The following NRCAM variants were observed in gnomAD, a reference collection of about 807,000 sequenced individuals.
NRCAM encodes NgCAM-related cell adhesion molecule.
NRCAM carries 83 observed loss-of-function variants against 156.5 expected under a neutral mutation model. The observed-to-expected ratio is 0.53, with a 90% confidence interval of 0.44 to 0.64. The LOEUF is 0.64. Among genes scored for constraint, NRCAM ranks in the 30% least tolerant of loss-of-function variants. The pLI is 0.00. For missense variants in NRCAM, 1,417 were observed against 1,597.3 expected (o/e 0.89, Z 1.92); for synonymous variants, 538 against 563.9 (o/e 0.95, Z 0.65).
intron 14 of NRCAM, 143 bp from the exon 15 acceptor site, chr7:108,196,015 A>G (rs935370462): frequency 1.6e-6 from 1 of 637,068 alleles, no homozygotes; most frequent in South Asian, 1.9e-5. Flanking sequence ...TCTATCAGGC[A>G]TAATGCTGCC....
chr7:108,167,564 G>A (rs1469309979), intron 29 of NRCAM, among the ~76,000 whole-genome samples: 4 of 152,106 alleles, frequency 2.6e-5, no homozygotes, highest in African/African-American at 9.7e-5. Context: ...TAAAGGGATC[G>A]TCATTTCTAA....
chr7:108,295,072 G>T (rs535805398), intron 3 of NRCAM, among the ~76,000 whole-genome samples: 1 of 152,182 alleles, frequency 6.6e-6, no homozygotes, highest in Non-Finnish European at 1.5e-5. Flanking sequence ...GTGATTAAAT[G>T]ATGAAGAGAT....
Position 108,249,072 on chromosome 7 carries a change from C to T in NRCAM, c.-106-8902G>A, listed in dbSNP as rs190712965. ...ATTCTTTTCTATAACTTGTGCTCCC[C>T]GCAAACAAGGGCCTGAGCATGTGTG... On this transcript the variant is annotated intron_variant, in intron 3 of 32. Coordinates refer to ENST00000379028, the MANE Select transcript of NRCAM (RefSeq NM_001037132.4). Among the ~76,000 whole-genome samples the T allele has an allele frequency of 3.9e-3, 588 of 152,210 alleles. 5 individuals carry two copies. Among genetic ancestry groups the T allele is most frequent in the Non-Finnish European group, 5.3e-3 (362 of 68,010 alleles).
At chr7:108,202,296 G>C (rs1638283032) in intron 13 of NRCAM, among the ~76,000 whole-genome samples, 1 of 151,992 alleles carries the variant, frequency 6.6e-6, no homozygotes, top group South Asian at 2.1e-4. Flanking sequence ...TAGATAATGA[G>C]AATAATAATA....
chr7:108,297,743 A>T (rs2098479347), intron 3 of NRCAM, among the ~76,000 whole-genome samples: 1 of 152,204 alleles, frequency 6.6e-6, no homozygotes, highest in Non-Finnish European at 1.5e-5. Flanking sequence ...AAAAAATAAA[A>T]CAAAGGAAGG....
At chr7:108,293,271 C>G (rs371602044) in intron 3 of NRCAM, among the ~76,000 whole-genome samples, 6 of 152,162 alleles carry the variant, frequency 3.9e-5, no homozygotes, top group African/African-American at 1.4e-4. Flanking sequence ...AATTGTCCAG[C>G]GGGCGATCAC....
chr7:108,390,144 G>C (rs968659979), intron 2 of NRCAM, among the ~76,000 whole-genome samples: 2 of 152,094 alleles, frequency 1.3e-5, no homozygotes, highest in African/African-American at 4.8e-5. Flanking sequence ...GCTCCTCCTT[G>C]TACCTCTGGT....
intron 3 of NRCAM, among the ~76,000 whole-genome samples, chr7:108,262,989 A>T (rs2096939830): frequency 6.6e-6 from 1 of 152,220 alleles, no homozygotes; most frequent in Non-Finnish European, 1.5e-5. Context: ...TTTCCCAGAC[A>T]TCTTCAATGT....
chr7:108,268,637 G>GGGGGGGGGGGGGA (rs2097209664), intron 3 of NRCAM, among the ~76,000 whole-genome samples: 1 of 48,588 alleles, frequency 2.1e-5, no homozygotes, highest in Non-Finnish European at 4.0e-5. Context: ...GGGGGGGGTT[G>GGGGGGGGGGGGGA]GGGGGGGCGG....
chr7:108,199,137 CTT>C (rs1263585503), intron 13 of NRCAM, among the ~76,000 whole-genome samples: 2 of 152,162 alleles, frequency 1.3e-5, no homozygotes, highest in Non-Finnish European at 1.5e-5. Flanking sequence ...TTTAAGAAGA[CTT>C]TATGTTCTTT....
intron 2 of NRCAM, among the ~76,000 whole-genome samples, chr7:108,360,244 A>AG (rs1422239114): frequency 6.6e-6 from 1 of 152,186 alleles, no homozygotes; most frequent in Admixed American, 6.5e-5. Context: ...AGAAGTGAGA[A>AG]GGGAAAAAAA....
rs1354462453 is a variant in NRCAM at position 108,279,828 on chromosome 7, G to A, written c.-107+32837C>T. 2.0e-5 allele frequency among the ~76,000 whole-genome samples: 3 copies of A among 151,986 alleles called. No homozygotes were observed. In the South Asian group the frequency reaches 6.2e-4, roughly 32 times the overall value. The stretch of plus-strand genomic sequence containing the variant: ...TCCCATCTCAGCCTCCTAAAGTGCT[G>A]AGAAAACAGGCATGAGCCACCATGC... On this transcript the variant is annotated intron_variant, in intron 3 of 32. Transcript: ENST00000379028.
chr7:108,284,880 G>T (rs747580842), intron 3 of NRCAM, among the ~76,000 whole-genome samples: 2 of 152,198 alleles, frequency 1.3e-5, no homozygotes, highest in African/African-American at 2.4e-5. Context: ...TGTGCTGCAC[G>T]CACTTAGCAC....
chr7:108,242,215 T>G (rs1036156898), intron 3 of NRCAM, among the ~76,000 whole-genome samples: 1 of 129,100 alleles, frequency 7.7e-6, no homozygotes, highest in Non-Finnish European at 1.5e-5. Context: ...ACCGAGATTG[T>G]GCCACTATAC....
chr7:108,439,925 G>A (rs1453230966), intron 1 of NRCAM, among the ~76,000 whole-genome samples: 3 of 150,386 alleles, frequency 2.0e-5, no homozygotes, highest in African/African-American at 7.4e-5. Flanking sequence ...GGTTGGGAAA[G>A]TAAAATGATA....
At chr7:108,175,425 G>A in intron 27 of NRCAM, 68 bp from the exon 28 acceptor site, 4 of 1,325,200 alleles carry the variant, frequency 3.0e-6, no homozygotes, top group Non-Finnish European at 4.2e-6. Context: ...AGCATGTATA[G>A]CGATACAAAA....
chr7:108,359,055 C>A (rs2099529794), intron 2 of NRCAM, among the ~76,000 whole-genome samples: 1 of 152,176 alleles, frequency 6.6e-6, no homozygotes, highest in African/African-American at 2.4e-5. Flanking sequence ...CACCTTTTAT[C>A]CTAGCCTTAC....
At position 108,449,569 on chromosome 7, in the gene NRCAM, T is replaced by C. The variant is rs77465508; in HGVS notation, c.-332+6674A>G. The stretch of plus-strand genomic sequence containing the variant: ...CAAAAAACTCCAGGACAAAACTCTT[T>C]GGACAGGCCACTCTTACCTTAAGGC... On this transcript the variant is annotated intron_variant, in intron 1 of 32. Coordinates refer to ENST00000379028, the MANE Select transcript of NRCAM (RefSeq NM_001037132.4). Among the ~76,000 whole-genome samples, 1,338 of 152,328 alleles carry C rather than the reference T, an allele frequency of 8.8e-3. 14 individuals carry two copies. The highest frequency in any genetic ancestry group is 0.03 in the African/African-American group (1,257 of 41,570).
Position 108,225,562 on chromosome 7 carries a change from G to A in NRCAM, c.778+83C>T, listed in dbSNP as rs1402318133. The A allele has an allele frequency of 8.4e-6, 7 of 832,194 alleles. No individual in the cohort carries two copies. The African/African-American group carries it at 1.0e-4, about 12-fold the overall frequency. The allele number at this position is 832,194 out of a possible 1,614,324, so 51.6% of individuals were successfully genotyped here. On this transcript the variant is annotated intron_variant, in intron 10 of 32. Coordinates refer to ENST00000379028, the MANE Select transcript of NRCAM (RefSeq NM_001037132.4). Reference sequence around the variant, plus strand: ...AACTAGAAATCTCATAAAGAAATAAGGTTAAATAGTCATGGAGGTGAAGTT... The same window carrying A: ...AACTAGAAATCTCATAAAGAAATAAAGTTAAATAGTCATGGAGGTGAAGTT...
Sources: gnomAD v4.1 joint callset for allele counts (sites outside exome capture counted in the v4.1 genomes callset) on GRCh38, gnomAD v4.1.1 for gene constraint, MANE v1.5 for transcripts, NCBI Gene and HGNC (gene_info 2026-07-23, HGNC 2026-07-21) for gene names.